Variants in PDZRN3 observed in about 807,000 individuals in gnomAD.
PDZRN3 encodes PDZ domain containing ring finger 3.
A neutral mutation model predicts 85.7 loss-of-function variants in PDZRN3; 38 were observed. The ratio of observed to expected loss-of-function variants is 0.44; its 90% CI spans 0.34 to 0.58. PDZRN3 has a LOEUF of 0.58. Ranked by LOEUF, PDZRN3 falls within the 20% of genes least tolerant of loss-of-function variation. PDZRN3 has a pLI of 0.01. For missense variants in PDZRN3, 1,629 were observed against 1,506.4 expected, an observed-to-expected ratio of 1.08 and a Z score of -1.35; for synonymous variants, 759 against 638.0, an observed-to-expected ratio of 1.19 and a Z score of -2.86.
chr3:73,566,948 C>T (rs1166386423), intron 3 of PDZRN3, among the ~76,000 whole-genome samples: 1 of 152,212 alleles, frequency 6.6e-6, no homozygotes, highest in Non-Finnish European at 1.5e-5. Context: ...CTCAGCTCCT[C>T]TACTCACTAA....
rs185471787 is a variant in PDZRN3, at chr3:73,544,073, C to T, written c.918+58281G>A. On this transcript the variant is annotated intron_variant, in intron 3 of 9. Coordinates refer to ENST00000263666, the MANE Select transcript of PDZRN3 (RefSeq NM_015009.3). ...ACTAAAAATACAAAAATCAGCTGGG[C>T]GTGGTGGTGGGCACCTGTAATCCCA... is the stretch of plus-strand genomic sequence containing the variant. Among the ~76,000 whole-genome samples the T allele has an allele frequency of 8.2e-4, 125 of 152,230 alleles. 1 individual carries two copies. The highest frequency in any genetic ancestry group is 2.9e-3 in the African/African-American group (121 of 41,526).
chr3:73,542,172 T>C (rs1704940025), intron 3 of PDZRN3, among the ~76,000 whole-genome samples: 1 of 152,230 alleles, frequency 6.6e-6, no homozygotes, highest in African/African-American at 2.4e-5. Flanking sequence ...ATTCCCACTT[T>C]GATGGCTTTA....
intron 5 of PDZRN3, among the ~76,000 whole-genome samples, chr3:73,400,034 T>A (rs1701718126): frequency 1.3e-5 from 2 of 152,214 alleles, no homozygotes; most frequent in African/African-American, 4.8e-5. Context: ...TCAGAAGTAT[T>A]GGTAGGACAG....
chr3:73,402,761 T>C (rs1701774147), intron 4 of PDZRN3, among the ~76,000 whole-genome samples: 1 of 152,136 alleles, frequency 6.6e-6, no homozygotes, highest in Non-Finnish European at 1.5e-5. Context: ...GAGTTACTAG[T>C]AGGAATCCAA....
At chr3:73,440,588 A>G (rs775623034) in intron 3 of PDZRN3, among the ~76,000 whole-genome samples, 40 of 152,202 alleles carry the variant, frequency 2.6e-4, no homozygotes, top group Non-Finnish European at 5.4e-4. Flanking sequence ...CTGGCGACAA[A>G]TGGGTACCCC....
intron 3 of PDZRN3, among the ~76,000 whole-genome samples, chr3:73,498,987 C>G (rs1703923302): frequency 6.6e-6 from 1 of 152,154 alleles, no homozygotes; most frequent in Admixed American, 6.5e-5. Context: ...GCTGGGGTAG[C>G]AGGGTCCCAG....
intron 3 of PDZRN3, among the ~76,000 whole-genome samples, chr3:73,443,027 C>T (rs1400325977): frequency 6.6e-6 from 1 of 152,184 alleles, no homozygotes; most frequent in Non-Finnish European, 1.5e-5. Flanking sequence ...CTCCTATGAG[C>T]TCACTTCAAG....
chr3:73,547,665 C>T (rs964040455), intron 3 of PDZRN3, among the ~76,000 whole-genome samples: 2 of 152,202 alleles, frequency 1.3e-5, no homozygotes, highest in Non-Finnish European at 2.9e-5. Flanking sequence ...TGCTGTGAGC[C>T]CAAACTCACT....
rs561864652 is a variant in PDZRN3 at position 73,576,782 on chromosome 3, T to G, written c.918+25572A>C. On this transcript the variant is annotated intron_variant, in intron 3 of 9. Transcript: ENST00000263666. ...AGTGGGACTTTACAGAACTGTCATC[T>G]TGTTGGTGTGTGTTACTATACATTT... Among the ~76,000 whole-genome samples the G allele has an allele frequency of 4.6e-5, 7 of 152,352 alleles. No individual in the cohort carries two copies. In the South Asian group the frequency reaches 1.2e-3, roughly 27 times the overall value.
intron 3 of PDZRN3, among the ~76,000 whole-genome samples, chr3:73,601,826 A>G (rs1702519837): frequency 6.6e-6 from 1 of 152,208 alleles, no homozygotes; most frequent in African/African-American, 2.4e-5. Context: ...GTGAACCCTA[A>G]TATCAACCTC....
intron 3 of PDZRN3, among the ~76,000 whole-genome samples, chr3:73,473,623 C>T (rs1432386677): frequency 2.0e-5 from 3 of 152,162 alleles, no homozygotes; most frequent in African/African-American, 7.2e-5. Flanking sequence ...CATTGAAATT[C>T]AATCTTCACT....
At chr3:73,567,040 A>G (rs1559741628) in intron 3 of PDZRN3, among the ~76,000 whole-genome samples, 1 of 152,222 alleles carries the variant, frequency 6.6e-6, no homozygotes, top group Admixed American at 6.5e-5. Flanking sequence ...GTAGCCCCAA[A>G]TATCTAAAGT....
chr3:73,469,952 C>T (rs768940001), intron 3 of PDZRN3, among the ~76,000 whole-genome samples: 4 of 152,072 alleles, frequency 2.6e-5, no homozygotes, highest in African/African-American at 9.7e-5. Context: ...ATGTGCTGTA[C>T]GTTGTAGGAT....
chr3:73,409,044 T>C (rs1405626478), intron 3 of PDZRN3, among the ~76,000 whole-genome samples: 1 of 152,210 alleles, frequency 6.6e-6, no homozygotes, highest in Non-Finnish European at 1.5e-5. Context: ...GTAAATGGAA[T>C]GTTTTGGAAC....
intron 2 of PDZRN3, among the ~76,000 whole-genome samples, chr3:73,604,424 G>A (rs1178186069): frequency 2.0e-5 from 3 of 152,216 alleles, no homozygotes; most frequent in Admixed American, 6.5e-5. Context: ...AGAGAGGTTC[G>A]GAAACTCATC....
rs10675308 is a variant in PDZRN3 at position 73,388,930 on chromosome 3, C to CAAAAAA, written c.1417-867_1417-862dup. On this transcript the variant is annotated intron_variant, in intron 7 of 9. Transcript: ENST00000263666. ...AAGGTTAATGGAAAACTCCAGCAATCAAAAAAAAAAAAAAAAAAAAAAAAA... is the reference window on the plus strand; with the variant it reads ...AAGGTTAATGGAAAACTCCAGCAATCAAAAAAAAAAAAAAAAAAAAAAAAAAAAAAA... Among the ~76,000 whole-genome samples, 8 of 67,686 alleles carry CAAAAAA rather than the reference C, an allele frequency of 1.2e-4. 1 individual carries two copies. The highest frequency in any genetic ancestry group is 4.4e-4 in the Admixed American group (2 of 4,564). 44.4% of individuals were successfully genotyped at this position (67,686 alleles called of 152,430 possible).
At chr3:73,430,864 C>T (rs1455447743) in intron 3 of PDZRN3, among the ~76,000 whole-genome samples, 1 of 152,152 alleles carries the variant, frequency 6.6e-6, no homozygotes, top group African/African-American at 2.4e-5. Context: ...TCCTTACTTC[C>T]CTGTCCTTTC....
intron 3 of PDZRN3, among the ~76,000 whole-genome samples, chr3:73,503,379 T>C (rs1364112910): frequency 6.6e-6 from 1 of 152,198 alleles, no homozygotes; most frequent in Non-Finnish European, 1.5e-5. Flanking sequence ...CATCTGGGAA[T>C]GCATAACCAA....
chr3:73,400,572 G>C (rs762931717), intron 5 of PDZRN3, among the ~76,000 whole-genome samples: 7 of 152,216 alleles, frequency 4.6e-5, no homozygotes, highest in Non-Finnish European at 7.3e-5. Flanking sequence ...TTTGAGTAAA[G>C]AGTGGTGATG....
Sources: allele counts gnomAD v4.1 joint callset (sites outside exome capture counted in the v4.1 genomes callset), GRCh38; gene constraint gnomAD v4.1.1; transcripts MANE v1.5; gene names NCBI Gene and HGNC (gene_info 2026-07-23, HGNC 2026-07-21).